The following SLC16A10 variants were observed in gnomAD, a reference collection of about 807,000 sequenced individuals.
The protein encoded by SLC16A10 is monocarboxylate transporter 10.
Under a neutral mutation model 40.0 loss-of-function variants are expected in SLC16A10, and 27 were observed. That is an observed-to-expected ratio of 0.67 (90% CI 0.50 to 0.93). SLC16A10 has a LOEUF of 0.93. Ranked by LOEUF, SLC16A10 falls within the 40% of genes least tolerant of loss-of-function variation. SLC16A10 has a pLI of 0.00. For synonymous variants in SLC16A10, 213 were observed against 249.8 expected (o/e 0.85, Z 1.39); for missense variants, 529 against 658.2 (o/e 0.80, Z 2.15).
At chr6:111,217,910 A>G (rs1335836825) in intron 4 of SLC16A10, among the ~76,000 whole-genome samples, 2 of 152,150 alleles carry the variant, frequency 1.3e-5, no homozygotes, top group African/African-American at 4.8e-5. Context: ...TCCATAACCC[A>G]AGGGTAGGAA....
In SLC16A10 at chr6:111,172,709, C is replaced by T. The variant is rs762018924; in HGVS notation, c.358C>T (p.Leu120Phe). 1 of 1,613,942 alleles carries T rather than the reference C, an allele frequency of 6.2e-7. No individual in the cohort carries two copies. The highest frequency in any genetic ancestry group is 8.5e-7 in the Non-Finnish European group (1 of 1,179,880). ...TTCTTTTACAGCATGGGTAGGTTCT[C>T]TCTCCATGGGGATGATTTTCTTTTG... Reference protein sequence around the residue: ...MVFKTAWVGSLSMGMIFFCCP... With the variant: ...MVFKTAWVGSFSMGMIFFCCP... Residue 120 changes from leucine (L) to phenylalanine (F), a missense_variant, in exon 2 of 6, where the codon CTC becomes TTC. Transcript: ENST00000368851.
At chr6:111,178,566 AAAAG>A (rs1376746648) in intron 3 of SLC16A10, 15 of 353,256 alleles carry the variant, frequency 4.2e-5, no homozygotes, top group South Asian at 1.5e-4. Flanking sequence ...GGAAAAAAAA[AAAAG>A]AAGGAAGAAG....
At chr6:111,108,761 G>C (rs1771332156) in intron 1 of SLC16A10, among the ~76,000 whole-genome samples, 1 of 152,138 alleles carries the variant, frequency 6.6e-6, no homozygotes, top group Non-Finnish European at 1.5e-5. Context: ...TATGCAGGTG[G>C]AATCAAAGAG....
intron 1 of SLC16A10, among the ~76,000 whole-genome samples, chr6:111,169,997 G>C (rs961743006): frequency 7.5e-5 from 11 of 147,322 alleles, no homozygotes; most frequent in Non-Finnish European, 1.6e-4. Context: ...GCTCACTGCA[G>C]CCTCCACCTG....
chr6:111,152,065 C>T (rs12210589), intron 1 of SLC16A10, among the ~76,000 whole-genome samples: 1 of 152,204 alleles, frequency 6.6e-6, no homozygotes, highest in Admixed American at 6.5e-5. Context: ...TCCACCCCCT[C>T]AGTAACTACT....
chr6:111,141,283 T>G (rs1394594613), intron 1 of SLC16A10, among the ~76,000 whole-genome samples: 1 of 152,210 alleles, frequency 6.6e-6, no homozygotes, highest in Non-Finnish European at 1.5e-5. Flanking sequence ...GGTATTCTAG[T>G]AACAAGATCT....
chr6:111,088,594 G>C (rs1298638744), intron 1 of SLC16A10, among the ~76,000 whole-genome samples: 1 of 152,096 alleles, frequency 6.6e-6, no homozygotes, highest in African/African-American at 2.4e-5. Context: ...TTTGTACGAA[G>C]GTCACTGGAG....
chr6:111,106,832 G>C (rs185828553), intron 1 of SLC16A10, among the ~76,000 whole-genome samples: 44 of 152,278 alleles, frequency 2.9e-4, no homozygotes, highest in Middle Eastern at 3.4e-3. Flanking sequence ...TTGATACACT[G>C]TCTTGTGGTA....
intron 2 of SLC16A10, among the ~76,000 whole-genome samples, 181 bp from the exon 3 acceptor site, chr6:111,177,031 A>G (rs949169042): frequency 6.6e-6 from 1 of 151,952 alleles, no homozygotes; most frequent in Admixed American, 6.6e-5. Context: ...GTTTAGTGCT[A>G]CATGCTTGAC....
chr6:111,140,842 G>A (rs2114502342), intron 1 of SLC16A10, among the ~76,000 whole-genome samples: 1 of 152,252 alleles, frequency 6.6e-6, no homozygotes, highest in South Asian at 2.1e-4. Flanking sequence ...CTGGAGTGCA[G>A]TGATGCAATC....
At chr6:111,131,779 C>T (rs1771787914) in intron 1 of SLC16A10, among the ~76,000 whole-genome samples, 1 of 152,186 alleles carries the variant, frequency 6.6e-6, no homozygotes, top group Admixed American at 6.5e-5. Context: ...TTGTCCTGAA[C>T]TCCTGGTGTT....
intron 4 of SLC16A10, among the ~76,000 whole-genome samples, chr6:111,209,973 G>A (rs1437648017): frequency 6.6e-6 from 1 of 152,136 alleles, no homozygotes; most frequent in African/African-American, 2.4e-5. Flanking sequence ...TGAGGATTAA[G>A]CCTGTCTAAT....
intron 1 of SLC16A10, among the ~76,000 whole-genome samples, chr6:111,090,653 G>A (rs1199290182): frequency 6.6e-6 from 1 of 152,152 alleles, no homozygotes; most frequent in Non-Finnish European, 1.5e-5. Context: ...ACACAAAGGT[G>A]TTTCATGAAG....
chr6:111,141,708 C>A (rs1056574643), intron 1 of SLC16A10, among the ~76,000 whole-genome samples: 3 of 151,854 alleles, frequency 2.0e-5, no homozygotes, highest in Admixed American at 2.0e-4. Flanking sequence ...ACATTAGCAC[C>A]CCTCAAAATG....
intron 1 of SLC16A10, among the ~76,000 whole-genome samples, chr6:111,151,841 T>C (rs1297426722): frequency 2.0e-5 from 3 of 152,210 alleles, no homozygotes; most frequent in African/African-American, 7.2e-5. Context: ...TCATCCTCCA[T>C]GTCACTTTGG....
rs760684404 is a variant in SLC16A10, at chr6:111,206,658, G to A, written c.1009G>A (p.Val337Ile). 1.6e-5 allele frequency: 26 copies of A among 1,614,140 alleles called. 1 individual carries two copies. Among genetic ancestry groups the A allele is most frequent in the Middle Eastern group, 1.6e-4 (1 of 6,062 alleles). The change falls in exon 4 of 6, where the codon GTC becomes ATC. Residue 337 changes from valine (V) to isoleucine (I), a missense_variant. By Grantham distance (29) the Val-to-Ile change is conservative. Transcript: ENST00000368851. ...AGAGGTTGTTCTCATGTGCATTGGC[G>A]TCACTTCAGGAGTTGGACGACTGCT... ...NKEVVLMCIG[V>I]TSGVGRLLFG...
chr6:111,193,183 A>G, intron 3 of SLC16A10: 19 of 371,306 alleles, frequency 5.1e-5, no homozygotes, highest in Non-Finnish European at 6.7e-5. Context: ...TGATTAAGAC[A>G]CCTTCTCTCC....
intron 1 of SLC16A10, among the ~76,000 whole-genome samples, chr6:111,088,991 G>T (rs1404496634): frequency 6.6e-6 from 1 of 151,910 alleles, no homozygotes; most frequent in East Asian, 1.9e-4. Flanking sequence ...TGTCTTGGTG[G>T]GTAGTAGAAT....
rs77798853 is a variant in SLC16A10, at chr6:111,104,771, T to C, written c.343+16676T>C. On this transcript the variant is annotated intron_variant, in intron 1 of 5. Transcript: ENST00000368851. ...TGACATAATGGAAACCCAGAAATCC[T>C]GTCTTGAGCGGACTCAGGGGCTGCT... 1.6e-3 allele frequency among the ~76,000 whole-genome samples: 242 copies of C among 152,282 alleles called. 8 individuals carry two copies. The East Asian group carries it at 0.039, about 24-fold the overall frequency.
Sources: allele counts gnomAD v4.1 joint callset (sites outside exome capture counted in the v4.1 genomes callset), GRCh38; gene constraint gnomAD v4.1.1; transcripts MANE v1.5; gene names NCBI Gene and HGNC (gene_info 2026-07-23, HGNC 2026-07-21).